Variants in ATP10B observed in about 807,000 individuals in gnomAD.
ATP10B encodes phospholipid-transporting ATPase VB.
Under a neutral mutation model 141.2 loss-of-function variants are expected in ATP10B, and 122 were observed. The observed-to-expected ratio is 0.86, with a 90% CI of 0.75 to 1.00. The LOEUF is 1.00. Among genes scored for constraint, ATP10B ranks in the 50% least tolerant of loss-of-function variants. The pLI is 0.00. For missense variants in ATP10B, 1,876 were observed against 1,825.3 expected (o/e 1.03, Z -0.51); for synonymous variants, 685 against 692.0 (o/e 0.99, Z 0.16).
intron 24 of ATP10B, among the ~76,000 whole-genome samples, chr5:160,575,432 T>A (rs369224567): frequency 6.6e-6 from 1 of 152,092 alleles, no homozygotes; most frequent in East Asian, 1.9e-4. Flanking sequence ...TACCACCTTT[T>A]TGTTTAAAGA....
chr5:160,645,064 C>A (rs1581253949), intron 8 of ATP10B, among the ~76,000 whole-genome samples: 2 of 150,136 alleles, frequency 1.3e-5, no homozygotes, highest in South Asian at 4.2e-4. Flanking sequence ...TTGCCGTGAG[C>A]CAAGATTGCT....
intron 19 of ATP10B, among the ~76,000 whole-genome samples, chr5:160,606,307 A>C (rs1757385251): frequency 6.6e-6 from 1 of 152,198 alleles, no homozygotes; most frequent in South Asian, 2.1e-4. Flanking sequence ...AGAAATAAAC[A>C]CACAAATTAA....
chr5:160,665,373 C>A (rs572030512), intron 7 of ATP10B, among the ~76,000 whole-genome samples: 1 of 152,312 alleles, frequency 6.6e-6, no homozygotes, highest in South Asian at 2.1e-4. Flanking sequence ...CCTGTTGTGA[C>A]CATGTCTGTA....
chr5:160,719,520 T>A (rs1024433439), intron 2 of ATP10B, among the ~76,000 whole-genome samples: 1 of 152,218 alleles, frequency 6.6e-6, no homozygotes, highest in African/African-American at 2.4e-5. Context: ...GTGTCCATAG[T>A]AGTGCTTGCT....
intron 6 of ATP10B, among the ~76,000 whole-genome samples, chr5:160,681,333 C>G (rs577455954): frequency 5.3e-5 from 8 of 152,324 alleles, no homozygotes; most frequent in African/African-American, 1.9e-4. Flanking sequence ...CCAAATTTCA[C>G]AAAAGTGGAA....
chr5:160,574,062 T>C (rs1755045429), intron 24 of ATP10B, among the ~76,000 whole-genome samples: 1 of 152,226 alleles, frequency 6.6e-6, no homozygotes, highest in South Asian at 2.1e-4. Flanking sequence ...ACTAACAGGA[T>C]AGGGAAGTTC....
intron 24 of ATP10B, among the ~76,000 whole-genome samples, chr5:160,582,310 C>T (rs1266846181): frequency 3.3e-5 from 5 of 152,266 alleles, no homozygotes; most frequent in African/African-American, 7.2e-5. Context: ...ATACTTAGTG[C>T]TTCCTTCAGG....
chr5:160,879,026 C>G, the ATP10B span, among the ~76,000 whole-genome samples: 1 of 109,926 alleles, frequency 9.1e-6, no homozygotes, highest in East Asian at 2.6e-4. Flanking sequence ...CCCAGCCATC[C>G]CATTACTGGG....
At chr5:160,850,238 T>C (rs938278216) in intron 1 of ATP10B, among the ~76,000 whole-genome samples, 12 of 151,966 alleles carry the variant, frequency 7.9e-5, no homozygotes, top group African/African-American at 2.9e-4. Flanking sequence ...AAACTCCGTC[T>C]CTACTAAAAA....
intron 3 of ATP10B, among the ~76,000 whole-genome samples, chr5:160,695,251 T>C (rs908657846): frequency 1.3e-5 from 2 of 152,206 alleles, no homozygotes; most frequent in African/African-American, 4.8e-5. Flanking sequence ...ACAATTTAGT[T>C]TTAGTTTAGT....
chr5:160,855,560 C>T (rs1369747057), upstream of ATP10B, among the ~76,000 whole-genome samples: 1 of 151,356 alleles, frequency 6.6e-6, no homozygotes, highest in African/African-American at 2.4e-5. Flanking sequence ...TCTTTCAATC[C>T]ATAACTTATC....
intron 13 of ATP10B, among the ~76,000 whole-genome samples, chr5:160,626,554 A>T (rs1758623169): frequency 6.6e-6 from 1 of 152,226 alleles, no homozygotes; most frequent in Non-Finnish European, 1.5e-5. Context: ...TAAATTCGGT[A>T]CTGCCTGATG....
chr5:160,817,355 T>C lies in ATP10B; in HGVS notation c.-575-31552A>G, dbSNP rs528864069. 1.1e-4 allele frequency among the ~76,000 whole-genome samples: 16 copies of C among 152,102 alleles called. No homozygotes were observed. The East Asian group carries it at 1.5e-3, about 15-fold the overall frequency. On this transcript the variant is annotated intron_variant, in intron 1 of 25. Coordinates refer to ENST00000327245, the MANE Select transcript of ATP10B (RefSeq NM_025153.3). Reference sequence around the variant, plus strand: ...AATCACAAGCATTCTTATACACCAATAACAGACAAACAGAGAGCCAAATCA... The same window carrying C: ...AATCACAAGCATTCTTATACACCAACAACAGACAAACAGAGAGCCAAATCA...
In ATP10B at chr5:160,587,834, G is replaced by GGAAAAA. The variant is rs1291754157; in HGVS notation, c.3750+1757_3750+1758insTTTTTC. Among the ~76,000 whole-genome samples, 1,427 of 152,202 alleles carry GGAAAAA rather than the reference G, an allele frequency of 9.4e-3. 18 individuals carry two copies. Among genetic ancestry groups the GGAAAAA allele is most frequent in the African/African-American group, 0.032 (1,347 of 41,524 alleles). ...TCAGCTTAAGGAGTTTTTGGGCTTAGATAATCTTTTATTTTTTCTTTTGAG... is the reference window on the plus strand; with the variant it reads ...TCAGCTTAAGGAGTTTTTGGGCTTAGGAAAAAATAATCTTTTATTTTTTCTTTTGAG... On this transcript the variant is annotated intron_variant, in intron 24 of 25. Coordinates refer to ENST00000327245, the MANE Select transcript of ATP10B (RefSeq NM_025153.3).
chr5:160,763,058 T>C (rs543742385), intron 2 of ATP10B, among the ~76,000 whole-genome samples: 1 of 142,522 alleles, frequency 7.0e-6, no homozygotes, highest in African/African-American at 2.5e-5. Context: ...GCACCCAAAT[T>C]TGTAAAACAA....
At chr5:160,881,998 TAAAG>T in the ATP10B span, among the ~76,000 whole-genome samples, 3 of 152,016 alleles carry the variant, frequency 2.0e-5, no homozygotes, top group Admixed American at 1.3e-4. Flanking sequence ...ATTACTAAGT[TAAAG>T]AAGCCAATCT....
chr5:160,635,368 G>C (rs999359887), intron 11 of ATP10B, among the ~76,000 whole-genome samples: 1 of 145,696 alleles, frequency 6.9e-6, no homozygotes, highest in African/African-American at 2.4e-5. Context: ...GCTGCGAGGG[G>C]AGGTCAGGGA....
chr5:160,616,793 C>A (rs1758046458), intron 16 of ATP10B, among the ~76,000 whole-genome samples: 1 of 152,178 alleles, frequency 6.6e-6, no homozygotes, highest in Admixed American at 6.5e-5. Flanking sequence ...AATGCATAGT[C>A]CATTAGGGGA....
intron 3 of ATP10B, among the ~76,000 whole-genome samples, chr5:160,704,282 C>A (rs1764849403): frequency 6.6e-6 from 1 of 151,892 alleles, no homozygotes; most frequent in Non-Finnish European, 1.5e-5. Flanking sequence ...ATCTTGAACT[C>A]CTGACCTCAA....
Sources: allele counts gnomAD v4.1 joint callset (sites outside exome capture counted in the v4.1 genomes callset), GRCh38; gene constraint gnomAD v4.1.1; transcripts MANE v1.5; gene names NCBI Gene and HGNC (gene_info 2026-07-23, HGNC 2026-07-21).